The following MSANTD2 variants were observed in gnomAD, a reference collection of about 807,000 sequenced individuals.
The protein encoded by MSANTD2 is Myb/SANT DNA binding domain containing 2, also known as myb/SANT-like DNA-binding domain-containing protein 2.
A neutral mutation model predicts 52.6 loss-of-function variants in MSANTD2; 19 were observed. The observed-to-expected ratio is 0.36, with a 90% CI of 0.25 to 0.53. The LOEUF (loss-of-function observed/expected upper bound fraction) is 0.53. Among genes scored for constraint, MSANTD2 ranks in the 20% least tolerant of loss-of-function variants. The probability of loss-of-function intolerance (pLI) is 0.91; values close to 1 mark genes in which losing one functional copy is unlikely to be tolerated. For missense variants in MSANTD2, 558 were observed against 716.3 expected, an observed-to-expected ratio of 0.78 and a Z score of 2.52; for synonymous variants, 291 against 289.7, an observed-to-expected ratio of 1.00 and a Z score of -0.04.
intron 1 of MSANTD2, among the ~76,000 whole-genome samples, chr11:124,793,747 G>T (rs1325292290): frequency 6.6e-6 from 1 of 151,880 alleles, no homozygotes; most frequent in Non-Finnish European, 1.5e-5. Flanking sequence ...CCAGTGAGTT[G>T]AAGTTATAAG....
intron 1 of MSANTD2, chr11:124,791,274 C>T: frequency 3.4e-6 from 5 of 1,455,550 alleles, no homozygotes; most frequent in South Asian, 2.3e-5. Context: ...CCTTGGTCTA[C>T]TCCATGCCCT....
In MSANTD2 at chr11:124,785,693, T is replaced by TG. The variant is rs542825250; in HGVS notation, c.511-10720dup. On this transcript the variant is annotated intron_variant, in intron 1 of 3. Transcript: ENST00000374979. Reference sequence around the variant, plus strand: ...ACCAGCAGTCAGCATTCCAGACAGCTGGGGGGGGACTAGCGTCTCATTCCT... The same window carrying TG: ...ACCAGCAGTCAGCATTCCAGACAGCTGGGGGGGGGACTAGCGTCTCATTCCT... 1.7e-3 allele frequency among the ~76,000 whole-genome samples: 253 copies of TG among 151,806 alleles called. 1 individual carries two copies. Among genetic ancestry groups the TG allele is most frequent in the South Asian group, 5.8e-3 (28 of 4,792 alleles).
At position 124,767,204 on chromosome 11, in the gene MSANTD2, A is replaced by G. The variant is rs752895711; in HGVS notation, c.1652T>C (p.Ile551Thr). The change falls in exon 4 of 4, where the codon ATT (isoleucine) becomes ACT (threonine). Residue 551 changes from isoleucine to threonine, a missense_variant. Around this residue, in one of 2 missense-constraint regions of MSANTD2, gnomAD observed 408 missense variants for 573.6 expected, o/e 0.71. Coordinates refer to ENST00000374979, the MANE Select transcript of MSANTD2 (RefSeq NM_001308027.2). The surrounding 1 kb of genome is among the most constrained non-coding windows in gnomAD (Gnocchi z 6.5). Reference sequence around the variant, plus strand: ...GTTGTTAAATTTTAAGGGGTATCCAATGGCTTTTTCCAGGCACTCAACTAA... The same window carrying G: ...GTTGTTAAATTTTAAGGGGTATCCAGTGGCTTTTTCCAGGCACTCAACTAA... ...GSLVECLEKA[I>T]GYPLKFNN 15 of 1,610,468 alleles carry G rather than the reference A, an allele frequency of 9.3e-6. No homozygotes were observed. Among genetic ancestry groups the G allele is most frequent in the East Asian group, 4.5e-5 (2 of 44,894 alleles).
intron 1 of MSANTD2, chr11:124,790,544 C>T (rs567320417): frequency 6.6e-6 from 1 of 152,304 alleles, no homozygotes; most frequent in African/African-American, 2.4e-5. Flanking sequence ...ATTCTTGTGT[C>T]TCCATCTTCG....
intron 1 of MSANTD2, among the ~76,000 whole-genome samples, chr11:124,787,739 G>A (rs1194220649): frequency 1.3e-5 from 2 of 152,018 alleles, no homozygotes; most frequent in South Asian, 2.1e-4. Flanking sequence ...TACATTATTC[G>A]AGTTTCACAA....
At chr11:124,797,499 T>C (rs1339774016) in intron 1 of MSANTD2, among the ~76,000 whole-genome samples, 3 of 151,878 alleles carry the variant, frequency 2.0e-5, no homozygotes, top group African/African-American at 7.3e-5. Flanking sequence ...CCTGCCTCCA[T>C]TAAAAATAAA....
intron 1 of MSANTD2, among the ~76,000 whole-genome samples, chr11:124,776,747 A>G (rs1348318841): frequency 6.6e-6 from 1 of 152,240 alleles, no homozygotes; most frequent in African/African-American, 2.4e-5. Context: ...ACACAAAAAC[A>G]GAGCAACAAT....
In MSANTD2 at chr11:124,766,611, T is replaced by C. The variant is rs1944307290; in HGVS notation, c.*565A>G. 2 of 152,512 alleles carry C rather than the reference T, an allele frequency of 1.3e-5. No individual in the cohort carries two copies. Among genetic ancestry groups the C allele is most frequent in the African/African-American group, 4.8e-5 (2 of 41,382 alleles). 9.4% of individuals were successfully genotyped at this position (152,512 alleles called of 1,614,324 possible). On this transcript the variant is annotated 3_prime_UTR_variant, in exon 4 of 4. Coordinates refer to ENST00000374979, the MANE Select transcript of MSANTD2 (RefSeq NM_001308027.2). The stretch of plus-strand genomic sequence containing the variant: ...CTTTGCAAGCAATACTGATTGGAAA[T>C]AGCAAAACACTTGGCTGGTGAAAAA...
intron 1 of MSANTD2, chr11:124,783,916 G>C (rs2135254007): frequency 2.0e-6 from 2 of 985,358 alleles, no homozygotes; most frequent in Middle Eastern, 5.2e-4. Flanking sequence ...GATCTCAGAT[G>C]AGCAGTAATA....
intron 1 of MSANTD2, among the ~76,000 whole-genome samples, chr11:124,778,123 T>C (rs948952395): frequency 3.1e-4 from 47 of 152,258 alleles, no homozygotes; most frequent in African/African-American, 1.1e-3. Context: ...ATAAACCCAC[T>C]TAAAAACCTA....
rs781147535 is a variant in MSANTD2, at chr11:124,773,058, A to C, written c.767-4T>G. On this transcript the variant is annotated splice_polypyrimidine_tract_variant and splice_region_variant and intron_variant, in intron 2 of 3. Transcript: ENST00000374979. The stretch of plus-strand genomic sequence containing the variant: ...CTCTTTGTGACAGGTATTTCATCTG[A>C]AAAGCAAAGATTTTGAAAAAAGTTA... 6.4e-7 allele frequency: 1 copy of C among 1,573,318 alleles called. No individual in the cohort carries two copies. Among genetic ancestry groups the C allele is most frequent in the South Asian group, 1.1e-5 (1 of 89,942 alleles).
At chr11:124,781,809 C>T (rs1019403174) in intron 1 of MSANTD2, among the ~76,000 whole-genome samples, 13 of 152,060 alleles carry the variant, frequency 8.5e-5, no homozygotes, top group African/African-American at 3.1e-4. Context: ...CCCACCACCA[C>T]GCTCGGCTAA....
chr11:124,773,153 C>A lies in MSANTD2; in HGVS notation c.767-99G>T, dbSNP rs1944603065. 5 of 689,226 alleles carry A rather than the reference C, an allele frequency of 7.3e-6. No homozygotes were observed. The Middle Eastern group carries it at 1.1e-3, about 156-fold the overall frequency. The allele number at this position is 689,226 out of a possible 1,614,324, so 42.7% of individuals were successfully genotyped here. A position where few individuals can be genotyped will look rare whatever the true frequency, so the allele number is the denominator to read the frequency against. The stretch of plus-strand genomic sequence containing the variant: ...TGTTTACTGATCATTCCATACTTTC[C>A]AAAACCAGGCTTTTATTCTAGTGTC... On this transcript the variant is annotated intron_variant, in intron 2 of 3. Coordinates refer to ENST00000374979, the MANE Select transcript of MSANTD2 (RefSeq NM_001308027.2).
At chr11:124,798,041 A>C (rs1385593014) in intron 1 of MSANTD2, among the ~76,000 whole-genome samples, 1 of 152,100 alleles carries the variant, frequency 6.6e-6, no homozygotes, top group Non-Finnish European at 1.5e-5. Flanking sequence ...AATGCCTAAA[A>C]TGCACTTCTA....
chr11:124,771,315 T>C (rs1295771566), intron 3 of MSANTD2, among the ~76,000 whole-genome samples: 6 of 152,204 alleles, frequency 3.9e-5, no homozygotes, highest in Non-Finnish European at 2.9e-5. Flanking sequence ...AATGAAATAA[T>C]GGCTACAATT....
At chr11:124,771,386 C>T (rs1047915086) in intron 3 of MSANTD2, among the ~76,000 whole-genome samples, 1 of 152,182 alleles carries the variant, frequency 6.6e-6, no homozygotes, top group Admixed American at 6.5e-5. Flanking sequence ...AATCAGATGA[C>T]AATGGGAATT....
intron 1 of MSANTD2, among the ~76,000 whole-genome samples, chr11:124,788,837 T>C (rs1475923320): frequency 6.6e-6 from 1 of 152,224 alleles, no homozygotes; most frequent in African/African-American, 2.4e-5. Flanking sequence ...CAATAGCAAA[T>C]GAATTTCTTT....
At chr11:124,773,084 T>A in intron 2 of MSANTD2, 30 bp from the exon 3 acceptor site, 1 of 1,362,842 alleles carries the variant, frequency 7.3e-7, no homozygotes, top group South Asian at 1.2e-5. Flanking sequence ...AAAAAAGTTA[T>A]ACTTTCCTAA....
In MSANTD2 at chr11:124,793,893, G is replaced by A. The variant is rs567714329; in HGVS notation, c.510+5978C>T. Among the ~76,000 whole-genome samples, 6 of 152,270 alleles carry A rather than the reference G, an allele frequency of 3.9e-5. No individual in the cohort carries two copies. The East Asian group carries it at 1.2e-3, about 29-fold the overall frequency. Reference sequence around the variant, plus strand: ...TTGAGCTCCCCCTAGAGGTTTGAGTGTGTGGCCAGGAGAATCCTTTTACAA... The same window carrying A: ...TTGAGCTCCCCCTAGAGGTTTGAGTATGTGGCCAGGAGAATCCTTTTACAA... On this transcript the variant is annotated intron_variant, in intron 1 of 3. Transcript: ENST00000374979.
Sources: allele counts gnomAD v4.1 joint callset (sites outside exome capture counted in the v4.1 genomes callset), GRCh38; gene constraint gnomAD v4.1.1; regional missense constraint gnomAD v4.1.1; non-coding constraint Gnocchi (gnomAD v3.1); transcripts MANE v1.5; gene names NCBI Gene and HGNC (gene_info 2026-07-23, HGNC 2026-07-21).